The following SEMA6D variants were observed in gnomAD, a reference collection of about 807,000 sequenced individuals.
SEMA6D encodes semaphorin 6D.
Under a neutral mutation model 106.6 loss-of-function variants are expected in SEMA6D, and 35 were observed. The ratio of observed to expected loss-of-function variants is 0.33; its 90% CI spans 0.25 to 0.44. The LOEUF is 0.44. Among genes scored for constraint, SEMA6D ranks in the 20% least tolerant of loss-of-function variants. The probability of loss-of-function intolerance (pLI) is 1.00; values close to 1 mark genes in which losing one functional copy is unlikely to be tolerated. For missense variants in SEMA6D, 1,185 were observed against 1,345.9 expected (o/e 0.88, Z 1.87); for synonymous variants, 499 against 487.7 (o/e 1.02, Z -0.31).
At chr15:47,566,218 A>G (rs1244071340) in intron 3 of SEMA6D, among the ~76,000 whole-genome samples, 1 of 152,232 alleles carries the variant, frequency 6.6e-6, no homozygotes, top group African/African-American at 2.4e-5. Context: ...CACAAGAGTC[A>G]GAGGATATTC....
chr15:47,434,897 A>T (rs1286925848), intron 2 of SEMA6D, among the ~76,000 whole-genome samples: 1 of 152,116 alleles, frequency 6.6e-6, no homozygotes, highest in Admixed American at 6.5e-5. Context: ...TTGACCTTGA[A>T]GAGGGACTAA....
At chr15:47,294,238 CT>C (rs2035713246) in intron 1 of SEMA6D, among the ~76,000 whole-genome samples, 1 of 151,890 alleles carries the variant, frequency 6.6e-6, no homozygotes, top group Admixed American at 6.6e-5. Flanking sequence ...ATCTCTCTCT[CT>C]CTTTTTTTTT....
chr15:47,609,932 C>CT (rs1456295666), intron 4 of SEMA6D, among the ~76,000 whole-genome samples: 2 of 152,200 alleles, frequency 1.3e-5, no homozygotes, highest in African/African-American at 4.8e-5. Context: ...CCATTAGGTG[C>CT]TGCATGTGTG....
chr15:47,446,757 A>G (rs917595326), intron 2 of SEMA6D, among the ~76,000 whole-genome samples: 2 of 152,156 alleles, frequency 1.3e-5, no homozygotes, highest in African/African-American at 2.4e-5. Context: ...TGGAAATTAA[A>G]CAGAGCATCA....
chr15:47,316,243 C>A (rs1423354998), intron 1 of SEMA6D, among the ~76,000 whole-genome samples: 3 of 151,758 alleles, frequency 2.0e-5, no homozygotes, highest in African/African-American at 7.3e-5. Flanking sequence ...CAGGCACCCG[C>A]CACCACGCCT....
chr15:47,690,643 C>T (rs1286852726), intron 4 of SEMA6D, among the ~76,000 whole-genome samples: 1 of 152,170 alleles, frequency 6.6e-6, no homozygotes, highest in African/African-American at 2.4e-5. Context: ...TAAACAACTT[C>T]TGGCACTACA....
chr15:47,492,987 A>G (rs77855944), intron 3 of SEMA6D, among the ~76,000 whole-genome samples: 4,433 of 152,258 alleles, frequency 0.029, 224 homozygotes, highest in African/African-American at 0.1. Context: ...GAAACAAGAA[A>G]AAAAACTAAG....
intron 3 of SEMA6D, among the ~76,000 whole-genome samples, chr15:47,597,720 A>T (rs1174451375): frequency 2.0e-5 from 3 of 151,676 alleles, no homozygotes; most frequent in Non-Finnish European, 4.4e-5. Context: ...GGGGGTGGGG[A>T]GTATGGGGAA....
chr15:47,480,695 A>G (rs2043131955), intron 3 of SEMA6D, among the ~76,000 whole-genome samples: 2 of 152,072 alleles, frequency 1.3e-5, no homozygotes, highest in Admixed American at 1.3e-4. Flanking sequence ...TCTTATCTGA[A>G]CCATTTTAGC....
chr15:47,608,307 A>G (rs1030857657), intron 4 of SEMA6D, among the ~76,000 whole-genome samples: 2 of 152,202 alleles, frequency 1.3e-5, no homozygotes, highest in Non-Finnish European at 2.9e-5. Context: ...AGATTAACCT[A>G]AATGAACTAT....
At chr15:47,195,771 C>A (rs1172593207) in intron 1 of SEMA6D, among the ~76,000 whole-genome samples, 1 of 152,172 alleles carries the variant, frequency 6.6e-6, no homozygotes, top group Non-Finnish European at 1.5e-5. Context: ...ATTCTCTTGT[C>A]TACCTCTTCA....
At chr15:47,243,875 C>T (rs2033061326) in intron 1 of SEMA6D, among the ~76,000 whole-genome samples, 1 of 152,134 alleles carries the variant, frequency 6.6e-6, no homozygotes, top group South Asian at 2.1e-4. Flanking sequence ...TGAGCACCTA[C>T]CATGTTCTAG....
At chr15:47,360,050 T>C (rs74860808) in intron 1 of SEMA6D, 2 of 152,168 alleles carry the variant, frequency 1.3e-5, no homozygotes, top group South Asian at 2.1e-4. Context: ...CTTTTTTTTT[T>C]CTAGCCTTCT....
At chr15:47,657,797 A>G (rs1330995604) in intron 4 of SEMA6D, among the ~76,000 whole-genome samples, 2 of 117,738 alleles carry the variant, frequency 1.7e-5, no homozygotes, top group African/African-American at 6.7e-5. Context: ...GCTGGAGTGC[A>G]GTGGCAGATC....
At chr15:47,193,964 C>T (rs1314065871) in intron 1 of SEMA6D, among the ~76,000 whole-genome samples, 1 of 151,938 alleles carries the variant, frequency 6.6e-6, no homozygotes, top group African/African-American at 2.4e-5. Flanking sequence ...TTCTGTGAAA[C>T]AAGGATAATG....
chr15:47,214,680 A>G (rs2030389260), intron 1 of SEMA6D, among the ~76,000 whole-genome samples: 1 of 152,212 alleles, frequency 6.6e-6, no homozygotes. Context: ...CCTGATACAA[A>G]TAAATAACCA....
At chr15:47,205,362 C>T (rs1179165072) in intron 1 of SEMA6D, among the ~76,000 whole-genome samples, 1 of 152,034 alleles carries the variant, frequency 6.6e-6, no homozygotes, top group Non-Finnish European at 1.5e-5. Flanking sequence ...AGGTGTACTT[C>T]GTATAGCGAG....
At chr15:47,769,755 G>A (rs11858562) in intron 18 of SEMA6D, among the ~76,000 whole-genome samples, 34,007 of 151,884 alleles carry the variant, frequency 0.22, 4,388 homozygotes, top group Middle Eastern at 0.28. Context: ...TTTAATTTCA[G>A]TAATTATAAA....
Position 47,770,772 on chromosome 15 carries a change from C to A in SEMA6D, c.2209C>A (p.Leu737Met). ...CCAACAGAATATTGATTCTCCTAAA[C>A]TGTATAGTAACCTGCTAACCAGTCG... The part of the protein sequence containing the change: ...EYQQNIDSPK[L>M]YSNLLTSRKE... The change falls in exon 19 of 19, where the codon CTG (leucine) becomes ATG (methionine). Residue 737 changes from leucine to methionine, a missense_variant. Transcript: ENST00000536845. 1 of 1,614,086 alleles carries A rather than the reference C, an allele frequency of 6.2e-7. No individual in the cohort carries two copies. Among genetic ancestry groups the A allele is most frequent in the Non-Finnish European group, 8.5e-7 (1 of 1,179,994 alleles).
Sources: allele counts gnomAD v4.1 joint callset (sites outside exome capture counted in the v4.1 genomes callset), GRCh38; gene constraint gnomAD v4.1.1; transcripts MANE v1.5; gene names NCBI Gene and HGNC (gene_info 2026-07-23, HGNC 2026-07-21).